TTC28: variants seen among roughly 807,000 people sequenced by gnomAD.
TTC28 encodes the protein tetratricopeptide repeat domain 28.
TTC28 carries 61 observed loss-of-function variants against 198.0 expected under a neutral mutation model. That is an observed-to-expected ratio of 0.31 (90% CI 0.25 to 0.38). The LOEUF (loss-of-function observed/expected upper bound fraction) is 0.38. Ranked by LOEUF, TTC28 falls within the 10% of genes least tolerant of loss-of-function variation. The probability of loss-of-function intolerance (pLI) is 1.00; values close to 1 mark genes in which losing one functional copy is unlikely to be tolerated. For missense variants in TTC28, 2,678 were observed against 3,164.0 expected (o/e 0.85, Z 3.69); for synonymous variants, 1,171 against 1,297.8 (o/e 0.90, Z 2.10).
At chr22:28,045,057 G>A (rs1427477355) in intron 12 of TTC28, among the ~76,000 whole-genome samples, 4 of 152,020 alleles carry the variant, frequency 2.6e-5, no homozygotes, top group African/African-American at 4.8e-5. Context: ...AATCTTTGCC[G>A]AGAAAGTGTT....
At chr22:28,398,191 A>G (rs2046846600) in intron 2 of TTC28, among the ~76,000 whole-genome samples, 1 of 152,210 alleles carries the variant, frequency 6.6e-6, no homozygotes, top group Non-Finnish European at 1.5e-5. Flanking sequence ...TCATCCTGAG[A>G]ACTATGGAGC....
chr22:28,188,414 G>A (rs538424214), intron 5 of TTC28, among the ~76,000 whole-genome samples: 5 of 152,258 alleles, frequency 3.3e-5, no homozygotes, highest in Admixed American at 2.6e-4. Context: ...CCCTGGAAAG[G>A]AGCAGGAATT....
At chr22:28,088,887 T>C (rs889666571) in intron 12 of TTC28, among the ~76,000 whole-genome samples, 23 of 152,316 alleles carry the variant, frequency 1.5e-4, no homozygotes, top group Non-Finnish European at 3.2e-4. Context: ...AGAAGACATT[T>C]ATGCAGCCAA....
At chr22:28,151,595 T>TAG (rs1260047927) in intron 6 of TTC28, among the ~76,000 whole-genome samples, 1 of 152,220 alleles carries the variant, frequency 6.6e-6, no homozygotes, top group African/African-American at 2.4e-5. Flanking sequence ...TAATATGTAT[T>TAG]AGGCACCGAT....
intron 5 of TTC28, among the ~76,000 whole-genome samples, chr22:28,258,325 T>C (rs1405930798): frequency 6.6e-6 from 1 of 152,154 alleles, no homozygotes; most frequent in African/African-American, 2.4e-5. Flanking sequence ...CCTTCACTTA[T>C]CAGCAGAAGT....
chr22:28,427,790 T>G (rs913587492), intron 2 of TTC28, among the ~76,000 whole-genome samples: 1 of 151,832 alleles, frequency 6.6e-6, no homozygotes, highest in African/African-American at 2.4e-5. Context: ...AGAAGTCGAA[T>G]TCAGGTAAAT....
At chr22:28,069,925 A>AAC (rs60436240) in intron 12 of TTC28, among the ~76,000 whole-genome samples, 16,898 of 141,878 alleles carry the variant, frequency 0.12, 1,010 homozygotes, top group African/African-American at 0.18. Context: ...AGGTTGTACA[A>AAC]ACACACACAC....
intron 2 of TTC28, among the ~76,000 whole-genome samples, chr22:28,532,845 CA>C (rs1326586823): frequency 6.6e-6 from 1 of 152,068 alleles, no homozygotes; most frequent in African/African-American, 2.4e-5. Context: ...AGGTCTTTGA[CA>C]AAATTCAAGA....
At chr22:28,035,874 T>C (rs1455932749) in intron 12 of TTC28, among the ~76,000 whole-genome samples, 3 of 151,972 alleles carry the variant, frequency 2.0e-5, no homozygotes, top group Non-Finnish European at 4.4e-5. Flanking sequence ...CCAACAAAGA[T>C]CAAAAGAGAC....
At position 28,288,054 on chromosome 22, in the gene TTC28, A is replaced by G. The variant is rs559007018; in HGVS notation, c.933+8144T>C. On this transcript the variant is annotated intron_variant, in intron 5 of 22. Coordinates refer to ENST00000397906, the MANE Select transcript of TTC28 (RefSeq NM_001145418.2). ...TGTAGTCATATGCAATATTCATATG[A>G]CTAATTTAAATAATTATGACAATAA... Among the ~76,000 whole-genome samples, 7 of 152,286 alleles carry G rather than the reference A, an allele frequency of 4.6e-5. No individual in the cohort carries two copies. In the East Asian group the frequency reaches 1.3e-3, roughly 29 times the overall value.
intron 2 of TTC28, among the ~76,000 whole-genome samples, chr22:28,492,414 TAAC>T (rs1423707638): frequency 6.6e-6 from 1 of 152,036 alleles, no homozygotes; most frequent in Non-Finnish European, 1.5e-5. Context: ...TAGTTAAAGA[TAAC>T]AATTAAAGCT....
At chr22:28,394,266 T>G (rs949538977) in intron 2 of TTC28, among the ~76,000 whole-genome samples, 1 of 152,366 alleles carries the variant, frequency 6.6e-6, no homozygotes, top group South Asian at 2.1e-4. Context: ...TATACAATTT[T>G]GTAGAATGTA....
At chr22:28,508,345 A>G (rs1389293364) in intron 2 of TTC28, among the ~76,000 whole-genome samples, 1 of 152,172 alleles carries the variant, frequency 6.6e-6, no homozygotes, top group Non-Finnish European at 1.5e-5. Context: ...GTGCAATGGC[A>G]GGATGTCAGC....
At chr22:28,588,059 G>A (rs1369472606) in intron 2 of TTC28, among the ~76,000 whole-genome samples, 6 of 151,310 alleles carry the variant, frequency 4.0e-5, no homozygotes, top group Non-Finnish European at 5.9e-5. Flanking sequence ...GGAGAATGGC[G>A]TGAACCCGGG....
chr22:28,366,741 G>A (rs562767111), intron 2 of TTC28, among the ~76,000 whole-genome samples: 2 of 151,978 alleles, frequency 1.3e-5, no homozygotes, highest in South Asian at 2.1e-4. Flanking sequence ...ATAAAGAGAT[G>A]GAAAAAGACA....
intron 2 of TTC28, among the ~76,000 whole-genome samples, chr22:28,344,358 T>A (rs952735810): frequency 6.6e-6 from 1 of 151,998 alleles, no homozygotes; most frequent in Non-Finnish European, 1.5e-5. Context: ...ATGCAAAGGA[T>A]CTGATATTAA....
chr22:28,285,942 C>A (rs1354367170), intron 5 of TTC28, among the ~76,000 whole-genome samples: 1 of 151,982 alleles, frequency 6.6e-6, no homozygotes, highest in African/African-American at 2.4e-5. Flanking sequence ...TACTAGTACA[C>A]AGTACAAAAC....
intron 2 of TTC28, among the ~76,000 whole-genome samples, chr22:28,332,982 CAGAGA>C (rs2045640255): frequency 6.6e-6 from 1 of 152,080 alleles, no homozygotes; most frequent in Admixed American, 6.6e-5. Flanking sequence ...CTTCCTACAG[CAGAGA>C]ACAGCAATGT....
rs530222958 is a variant in TTC28, at chr22:28,306,147, G to T, written c.529+349C>A. On this transcript the variant is annotated intron_variant, in intron 3 of 22. Coordinates refer to ENST00000397906, the MANE Select transcript of TTC28 (RefSeq NM_001145418.2). ...TCAATTTCCTACTAAAAGTGCTGTG[G>T]TTTAGAATTACAGAATTTCAGACTA... Among the ~76,000 whole-genome samples, 7 of 152,206 alleles carry T rather than the reference G, an allele frequency of 4.6e-5. No homozygotes were observed. The East Asian group carries it at 1.2e-3, about 25-fold the overall frequency.
Sources: gnomAD v4.1 joint callset for allele counts (sites outside exome capture counted in the v4.1 genomes callset) on GRCh38, gnomAD v4.1.1 for gene constraint, MANE v1.5 for transcripts, NCBI Gene and HGNC (gene_info 2026-07-23, HGNC 2026-07-21) for gene names.